PHF24: variants seen among roughly 807,000 people sequenced by gnomAD.
PHF24 encodes PHD finger protein 24, also known as Galpha inhibitory interacting protein.
Under a neutral mutation model 42.6 loss-of-function variants are expected in PHF24, and 25 were observed. The observed-to-expected ratio is 0.59, with a 90% CI of 0.43 to 0.82. The LOEUF is 0.82. Among genes scored for constraint, PHF24 ranks in the 40% least tolerant of loss-of-function variants. The pLI, the probability that PHF24 is intolerant of heterozygous loss-of-function variation, is 0.00. For missense variants in PHF24, 470 were observed against 538.1 expected, an observed-to-expected ratio of 0.87 and a Z score of 1.25; for synonymous variants, 185 against 204.8, an observed-to-expected ratio of 0.90 and a Z score of 0.83.
the PHF24 span, among the ~76,000 whole-genome samples, chr9:34,807,459 C>T: frequency 2.0e-5 from 3 of 152,088 alleles, no homozygotes; most frequent in Non-Finnish European, 2.9e-5. Flanking sequence ...CAAGAAAAGC[C>T]GTGGTTGGAA....
the PHF24 span, among the ~76,000 whole-genome samples, chr9:34,923,357 A>G: frequency 0.46 from 69,332 of 151,942 alleles, 16,364 homozygotes; most frequent in Non-Finnish European, 0.52. Context: ...TGGTATCAGG[A>G]TAATACTGGC....
At chr9:34,832,729 G>A in the PHF24 span, 5 of 1,547,870 alleles carry the variant, frequency 3.2e-6, no homozygotes, top group African/African-American at 1.4e-5. Context: ...ACCAGCCCAT[G>A]TAAAACTTGG....
chr9:34,860,680 C>G, the PHF24 span, among the ~76,000 whole-genome samples: 2 of 130,746 alleles, frequency 1.5e-5, no homozygotes, highest in African/African-American at 6.4e-5. Flanking sequence ...ATAATGAGAC[C>G]TTTAAAAGTG....
the PHF24 span, among the ~76,000 whole-genome samples, chr9:34,923,585 T>G: frequency 8.1e-4 from 123 of 152,290 alleles, no homozygotes; most frequent in Non-Finnish European, 1.5e-3. Flanking sequence ...TTTATCTGCT[T>G]CTTCTAGGTT....
the PHF24 span, among the ~76,000 whole-genome samples, chr9:34,779,392 G>T: frequency 3.3e-5 from 5 of 152,104 alleles, no homozygotes. Context: ...GTGTTTCTAC[G>T]TTGAGGATCA....
At chr9:34,691,359 T>G in the PHF24 span, 2 of 511,650 alleles carry the variant, frequency 3.9e-6, no homozygotes, top group Non-Finnish European at 3.5e-6. Flanking sequence ...CATTCTGTGA[T>G]TCCCCTGTTG....
the PHF24 span, among the ~76,000 whole-genome samples, chr9:34,903,024 C>T: frequency 6.0e-4 from 92 of 152,296 alleles, no homozygotes; most frequent in South Asian, 8.7e-3. Context: ...GCCTGTTATA[C>T]GCCTCACCTC....
At chr9:34,945,591 A>G in the PHF24 span, among the ~76,000 whole-genome samples, 2 of 152,260 alleles carry the variant, frequency 1.3e-5, no homozygotes, top group South Asian at 4.2e-4. Context: ...GCCCTCATGA[A>G]TAGACTAATT....
At chr9:34,956,252 T>C (rs867107147), upstream of PHF24, among the ~76,000 whole-genome samples, 6 of 152,204 alleles carry the variant, frequency 3.9e-5, no homozygotes, top group Non-Finnish European at 7.4e-5. Context: ...ATTGTACAGA[T>C]ACACAATGTA....
the PHF24 span, among the ~76,000 whole-genome samples, chr9:34,682,150 ATTTTTTT>A: frequency 9.9e-4 from 92 of 93,100 alleles, no homozygotes; most frequent in South Asian, 1.1e-3. Flanking sequence ...AATTATTTCT[ATTTTTTT>A]TTTTTTTTTT....
At chr9:34,921,767 C>G in the PHF24 span, among the ~76,000 whole-genome samples, 1 of 152,174 alleles carries the variant, frequency 6.6e-6, no homozygotes. Flanking sequence ...GTGCTCCAAA[C>G]CTTAAAATAC....
chr9:34,716,875 C>T, the PHF24 span, among the ~76,000 whole-genome samples: 1 of 152,216 alleles, frequency 6.6e-6, no homozygotes, highest in South Asian at 2.1e-4. Flanking sequence ...TTCCAAAGTA[C>T]TGGGATTACA....
intron 1 of PHF24, among the ~76,000 whole-genome samples, chr9:34,969,131 C>G (rs1467502876): frequency 6.6e-6 from 1 of 152,208 alleles, no homozygotes; most frequent in Non-Finnish European, 1.5e-5. Context: ...GAGGCCAGAC[C>G]ATGCAGGGCC....
the PHF24 span, chr9:34,723,390 C>G: frequency 6.4e-7 from 1 of 1,551,712 alleles, no homozygotes; most frequent in Non-Finnish European, 8.7e-7. Flanking sequence ...GCTGGGCCCA[C>G]CAGCTTCTGA....
chr9:34,679,110 A>G, the PHF24 span, among the ~76,000 whole-genome samples: 1 of 152,224 alleles, frequency 6.6e-6, no homozygotes, highest in South Asian at 2.1e-4. Flanking sequence ...TGAATCAAGT[A>G]TTAGTGATGC....
the PHF24 span, among the ~76,000 whole-genome samples, chr9:34,673,604 G>A: frequency 6.6e-6 from 1 of 151,778 alleles, no homozygotes; most frequent in African/African-American, 2.4e-5. Context: ...CTGAGTAGGT[G>A]GGTGCCACAG....
the PHF24 span, among the ~76,000 whole-genome samples, chr9:34,775,329 C>A: frequency 1.3e-5 from 2 of 152,042 alleles, no homozygotes; most frequent in Non-Finnish European, 2.9e-5. Context: ...TGTAAGGTAC[C>A]TAGAATAGCC....
chr9:34,972,642 G>T, intron 3 of PHF24, 111 bp downstream of exon 3: 1 of 1,046,040 alleles, frequency 9.6e-7, no homozygotes, highest in South Asian at 1.8e-5. Flanking sequence ...TGGGCTGGGC[G>T]CGGTGGCTCA....
the PHF24 span, among the ~76,000 whole-genome samples, chr9:34,920,616 A>AT: frequency 6.6e-6 from 1 of 151,924 alleles, no homozygotes; most frequent in Non-Finnish European, 1.5e-5. Flanking sequence ...ATCAATATTG[A>AT]TTTTTCCAAT....
Sources: allele counts gnomAD v4.1 joint callset (sites outside exome capture counted in the v4.1 genomes callset), GRCh38; gene constraint gnomAD v4.1.1; transcripts MANE v1.5; gene names NCBI Gene and HGNC (gene_info 2026-07-23, HGNC 2026-07-21).